Variants in XRN1 observed in about 807,000 individuals in gnomAD.
XRN1 encodes strand-exchange protein 1 homolog.
In XRN1, 67 loss-of-function variants were observed where a neutral mutation model predicts 222.3. The observed-to-expected ratio is 0.30, with a 90% confidence interval of 0.25 to 0.37. XRN1 has a LOEUF of 0.37. Among genes scored for constraint, XRN1 ranks in the 10% least tolerant of loss-of-function variants. XRN1 has a pLI of 1.00. For synonymous variants in XRN1, 643 were observed against 652.4 expected (o/e 0.99, Z 0.22); for missense variants, 1,707 against 2,000.2 (o/e 0.85, Z 2.80).
chr3:142,358,373 A>AT (rs956394632), intron 30 of XRN1, among the ~76,000 whole-genome samples: 3 of 151,846 alleles, frequency 2.0e-5, no homozygotes, highest in South Asian at 2.1e-4. Flanking sequence ...TCTATCACCT[A>AT]TTTTTTTTCT....
At position 142,446,191 on chromosome 3, in the gene XRN1, G is replaced by T. The variant is rs75509148; in HGVS notation, c.75+1679C>A. On this transcript the variant is annotated intron_variant, in intron 1 of 40. Transcript: ENST00000392981. ...ACTGAGGCCACACCACTGACTTCCCGTAACTTACTTCTTCTCCCTATCCTT... is the reference window on the plus strand; with the variant it reads ...ACTGAGGCCACACCACTGACTTCCCTTAACTTACTTCTTCTCCCTATCCTT... Among the ~76,000 whole-genome samples the T allele has an allele frequency of 8.5e-5, 13 of 152,278 alleles. No homozygotes were observed. The East Asian group carries it at 2.3e-3, about 27-fold the overall frequency.
At chr3:142,432,191 AAT>A (rs1436406948) in intron 2 of XRN1, among the ~76,000 whole-genome samples, 86 of 106,832 alleles carry the variant, frequency 8.1e-4, no homozygotes, top group African/African-American at 2.6e-3. Flanking sequence ...TTATATATAA[AAT>A]TTATTTTATA....
intron 20 of XRN1, among the ~76,000 whole-genome samples, chr3:142,385,260 A>G (rs1399537491): frequency 6.6e-6 from 1 of 152,232 alleles, no homozygotes; most frequent in Non-Finnish European, 1.5e-5. Context: ...AAACAGTGGC[A>G]TATCCATACA....
At chr3:142,395,080 A>C (rs2067876717) in intron 20 of XRN1, among the ~76,000 whole-genome samples, 1 of 152,152 alleles carries the variant, frequency 6.6e-6, no homozygotes, top group African/African-American at 2.4e-5. Flanking sequence ...CATAAGGATA[A>C]CTCCTATTGT....
chr3:142,330,638 T>C (rs2065669868), intron 36 of XRN1, among the ~76,000 whole-genome samples: 1 of 151,964 alleles, frequency 6.6e-6, no homozygotes, highest in Admixed American at 6.6e-5. Context: ...TAAAACTTAC[T>C]TGTTTTTGAC....
chr3:142,411,998 A>G (rs1293973033), intron 15 of XRN1, among the ~76,000 whole-genome samples: 1 of 151,194 alleles, frequency 6.6e-6, no homozygotes, highest in Non-Finnish European at 1.5e-5. Context: ...AATTTTTTGT[A>G]TTTTTTTAGT....
chr3:142,316,698 A>G (rs2107858673), intron 39 of XRN1, among the ~76,000 whole-genome samples: 2 of 152,106 alleles, frequency 1.3e-5, no homozygotes, highest in Middle Eastern at 3.4e-3. Flanking sequence ...TACATCTACA[A>G]TTTGTTATTT....
intron 40 of XRN1, 110 bp from the exon 41 acceptor site, chr3:142,311,923 C>A: frequency 9.2e-7 from 1 of 1,085,750 alleles, no homozygotes; most frequent in Middle Eastern, 3.0e-4. Flanking sequence ...CACAGCTGAT[C>A]TGTGACTTCC....
rs751485006 is a variant in XRN1, at chr3:142,412,685, TAATAGA to T, written c.1594-28_1594-23del. 183 of 1,477,620 alleles carry T rather than the reference TAATAGA, an allele frequency of 1.2e-4. 2 individuals carry two copies. The highest frequency in any genetic ancestry group is 7.1e-4 in the African/African-American group (51 of 72,248). The allele number at this position is 1,477,620 out of a possible 1,614,324, so 91.5% of individuals were successfully genotyped here. A position where few individuals can be genotyped will look rare whatever the true frequency, so the allele number is the denominator to read the frequency against. On this transcript the variant is annotated intron_variant, in intron 14 of 40. Transcript: ENST00000392981. ...AATGCTGTGAAAATATGAAATAGTA[TAATAGA>T]AATATAAGAACTAATATCAATATAG...
At chr3:142,374,882 C>A (rs1042307079) in intron 25 of XRN1, among the ~76,000 whole-genome samples, 17 of 152,244 alleles carry the variant, frequency 1.1e-4, no homozygotes, top group African/African-American at 3.6e-4. Context: ...TGGTCATTAG[C>A]ATGGACTCTG....
At chr3:142,428,931 A>C (rs768892952) in intron 2 of XRN1, among the ~76,000 whole-genome samples, 1 of 152,206 alleles carries the variant, frequency 6.6e-6, no homozygotes, top group Non-Finnish European at 1.5e-5. Flanking sequence ...GAAATCACTC[A>C]GAGCCTAGGA....
In XRN1 at chr3:142,384,518, C is replaced by T. The variant is rs376270845; in HGVS notation, c.2502+5G>A. The T allele has an allele frequency of 1.2e-6, 2 of 1,607,298 alleles. No homozygotes were observed. Among genetic ancestry groups the T allele is most frequent in the South Asian group, 2.2e-5 (2 of 89,666 alleles). ...AGACAGAATTGAAACTTGATATAGA[C>T]TTACCTTGACAATAGTTTGATAAAC... On this transcript the variant is annotated splice_donor_5th_base_variant and intron_variant, in intron 21 of 40. Transcript: ENST00000392981.
intron 37 of XRN1, among the ~76,000 whole-genome samples, chr3:142,319,445 T>C (rs2065289932): frequency 6.6e-6 from 1 of 152,234 alleles, no homozygotes; most frequent in Non-Finnish European, 1.5e-5. Context: ...ATGTGTTTTC[T>C]ACTCATATTT....
At chr3:142,418,476 TA>T (rs761108285) in intron 12 of XRN1, 27 bp downstream of exon 12, 17 of 1,526,464 alleles carry the variant, frequency 1.1e-5, no homozygotes, top group Admixed American at 6.1e-5. Context: ...TTTTCTATTT[TA>T]AAATAAAAGC....
chr3:142,327,328 T>G (rs2065545735), intron 37 of XRN1, among the ~76,000 whole-genome samples: 1 of 152,092 alleles, frequency 6.6e-6, no homozygotes, highest in South Asian at 2.1e-4. Flanking sequence ...TCAATCTTGG[T>G]ATGTTTTTAT....
At chr3:142,421,600 T>C (rs1379132387) in intron 8 of XRN1, 57 bp from the exon 9 acceptor site, 1 of 1,237,368 alleles carries the variant, frequency 8.1e-7, no homozygotes, top group South Asian at 1.3e-5. Context: ...TCTAAACAAT[T>C]CTACAAAACT....
intron 2 of XRN1, among the ~76,000 whole-genome samples, chr3:142,430,359 T>C (rs574850536): frequency 6.6e-6 from 1 of 152,178 alleles, no homozygotes; most frequent in Admixed American, 6.5e-5. Flanking sequence ...AATCCCTCCT[T>C]AACACTAGAT....
At chr3:142,314,137 A>G (rs904512816) in intron 39 of XRN1, among the ~76,000 whole-genome samples, 1 of 152,206 alleles carries the variant, frequency 6.6e-6, no homozygotes, top group Non-Finnish European at 1.5e-5. Context: ...TTTATACCAT[A>G]AAATAGAAAT....
At position 142,429,881 on chromosome 3, in the gene XRN1, G is replaced by C. The variant is rs149313503; in HGVS notation, c.308+2780C>G. 57 of 152,354 alleles carry C rather than the reference G, an allele frequency of 3.7e-4. 1 individual carries two copies. The highest frequency in any genetic ancestry group is 1.2e-3 in the African/African-American group (48 of 41,576). 9.4% of individuals were successfully genotyped at this position (152,354 alleles called of 1,614,324 possible). A position where few individuals can be genotyped will look rare whatever the true frequency, so the allele number is the denominator to read the frequency against. On this transcript the variant is annotated intron_variant, in intron 2 of 40. Transcript: ENST00000392981. ...TGTATATTTCAGCAATGGTAAAGAA[G>C]ATCCCAGTATTCAGTATCTTTAGAG...
Sources: gnomAD v4.1 joint callset for allele counts (sites outside exome capture counted in the v4.1 genomes callset) on GRCh38, gnomAD v4.1.1 for gene constraint, MANE v1.5 for transcripts, NCBI Gene and HGNC (gene_info 2026-07-23, HGNC 2026-07-21) for gene names.